LY86: variants seen among roughly 807,000 people sequenced by gnomAD.
The protein encoded by LY86 is lymphocyte antigen 86, also known as MD-1, RP105-associated.
Under a neutral mutation model 17.3 loss-of-function variants are expected in LY86, and 20 were observed. That is an observed-to-expected ratio of 1.15 (90% confidence interval 0.81 to 1.68). The LOEUF is 1.68. LY86 is among the 40% of genes most tolerant of loss of function. LY86 has a pLI of 0.00. For missense variants in LY86, 200 were observed against 191.9 expected (o/e 1.04, Z -0.25); for synonymous variants, 74 against 70.6 (o/e 1.05, Z -0.24).
At chr6:6,607,044 C>G (rs1311759131) in intron 1 of LY86, among the ~76,000 whole-genome samples, 1 of 152,214 alleles carries the variant, frequency 6.6e-6, no homozygotes, top group Non-Finnish European at 1.5e-5. Context: ...TTGCACGGGA[C>G]GTGAACACTA....
chr6:6,605,884 G>T (rs1053081887), intron 1 of LY86, among the ~76,000 whole-genome samples: 4 of 148,382 alleles, frequency 2.7e-5, no homozygotes, highest in African/African-American at 1.1e-4. Flanking sequence ...GTTTCTCGCG[G>T]TGGGTTCTTA....
At chr6:6,594,615 C>A (rs1760643107) in intron 1 of LY86, among the ~76,000 whole-genome samples, 1 of 152,144 alleles carries the variant, frequency 6.6e-6, no homozygotes, top group Admixed American at 6.5e-5. Context: ...AAGTTCCAGG[C>A]CTTCCAGATG....
intron 4 of LY86, among the ~76,000 whole-genome samples, chr6:6,651,707 A>G (rs1368450876): frequency 6.6e-6 from 1 of 152,170 alleles, no homozygotes; most frequent in East Asian, 1.9e-4. Flanking sequence ...TTACTCAGCA[A>G]CTGTTATAAG....
chr6:6,624,608 C>T (rs1761750748), intron 1 of LY86, among the ~76,000 whole-genome samples: 1 of 152,042 alleles, frequency 6.6e-6, no homozygotes, highest in Non-Finnish European at 1.5e-5. Flanking sequence ...GCCAAACGTT[C>T]AGGAACTAAA....
intron 3 of LY86, among the ~76,000 whole-genome samples, chr6:6,642,800 A>C (rs1357265048): frequency 2.0e-5 from 3 of 152,224 alleles, no homozygotes; most frequent in Non-Finnish European, 4.4e-5. Flanking sequence ...GGAAATACCC[A>C]GAGGTAAGGA....
intron 3 of LY86, among the ~76,000 whole-genome samples, chr6:6,648,439 C>T (rs1324553095): frequency 6.6e-6 from 1 of 152,160 alleles, no homozygotes; most frequent in Non-Finnish European, 1.5e-5. Context: ...GCAGACTCAT[C>T]TCCCTCTATC....
intron 1 of LY86, among the ~76,000 whole-genome samples, chr6:6,590,866 T>C (rs1036742368): frequency 8.6e-5 from 13 of 151,898 alleles, no homozygotes; most frequent in Middle Eastern, 3.4e-3. Context: ...ATGGTCACTC[T>C]AGTCACCAGG....
chr6:6,605,600 G>A (rs1029386722), intron 1 of LY86, among the ~76,000 whole-genome samples: 2 of 152,272 alleles, frequency 1.3e-5, no homozygotes, highest in Admixed American at 6.5e-5. Context: ...ATAGTCTCAT[G>A]ACATTGCAGC....
intron 3 of LY86, among the ~76,000 whole-genome samples, chr6:6,636,581 G>A (rs1015697526): frequency 6.6e-6 from 1 of 152,180 alleles, no homozygotes. Context: ...TTTCCTTACA[G>A]GTAGCAGGAA....
intron 4 of LY86, among the ~76,000 whole-genome samples, chr6:6,652,055 CAAAAAAAAAAAA>C (rs61606490): frequency 1.7e-5 from 1 of 59,284 alleles, no homozygotes; most frequent in Non-Finnish European, 3.1e-5. Flanking sequence ...GACTCCATCT[CAAAAAAAAAAAA>C]AAAAAAAAAA....
intron 4 of LY86, among the ~76,000 whole-genome samples, chr6:6,654,249 G>A (rs192104939): frequency 3.3e-5 from 5 of 152,336 alleles, no homozygotes; most frequent in Admixed American, 6.5e-5. Flanking sequence ...GCTCAAAATT[G>A]CAGACCAGCA....
chr6:6,613,341 G>C (rs113570041), intron 1 of LY86, among the ~76,000 whole-genome samples: 109 of 152,210 alleles, frequency 7.2e-4, no homozygotes, highest in African/African-American at 2.3e-3. Context: ...GCTGCTCGTC[G>C]GGGAGGCTTG....
chr6:6,608,225 C>T (rs1461689283), intron 1 of LY86, among the ~76,000 whole-genome samples: 1 of 152,210 alleles, frequency 6.6e-6, no homozygotes, highest in Admixed American at 6.5e-5. Flanking sequence ...AACAAAAATA[C>T]TATTATGTGC....
In LY86 at chr6:6,612,369, G is replaced by A. The variant is rs150290979; in HGVS notation, c.137-12557G>A. 7.2e-5 allele frequency among the ~76,000 whole-genome samples: 11 copies of A among 152,302 alleles called. No individual in the cohort carries two copies. The East Asian group carries it at 7.7e-4, about 11-fold the overall frequency. ...TTACACTTCTTAAGGTGATACATTTGGAGTGTTAATCATTTATTTTCCCCC... is the reference window on the plus strand; with the variant it reads ...TTACACTTCTTAAGGTGATACATTTAGAGTGTTAATCATTTATTTTCCCCC... On this transcript the variant is annotated intron_variant, in intron 1 of 4. Transcript: ENST00000230568.
At position 6,603,653 on chromosome 6, in the gene LY86, A is replaced by G. The variant is rs1239838710; in HGVS notation, c.136+14783A>G. Among the ~76,000 whole-genome samples the G allele has an allele frequency of 3.1e-4, 44 of 143,356 alleles. No homozygotes were observed. The Admixed American group carries it at 3.1e-3, about 10-fold the overall frequency. The allele number at this position is 143,356 out of a possible 152,430, so 94.0% of individuals were successfully genotyped here. The stretch of plus-strand genomic sequence containing the variant: ...ACAAAACACACACACACACACACAC[A>G]CAGAGTGGAAAACCAACAGTGAAGT... On this transcript the variant is annotated intron_variant, in intron 1 of 4. Coordinates refer to ENST00000230568, the MANE Select transcript of LY86 (RefSeq NM_004271.4).
At chr6:6,642,766 C>A (rs968292193) in intron 3 of LY86, among the ~76,000 whole-genome samples, 1 of 152,204 alleles carries the variant, frequency 6.6e-6, no homozygotes, top group Non-Finnish European at 1.5e-5. Flanking sequence ...GGGCCTTCCC[C>A]ATCTTCCAGA....
At chr6:6,636,148 G>C (rs1179930100) in intron 3 of LY86, among the ~76,000 whole-genome samples, 1 of 152,180 alleles carries the variant, frequency 6.6e-6, no homozygotes, top group Non-Finnish European at 1.5e-5. Context: ...GGCTGATGAT[G>C]CTGGCCCAGG....
At chr6:6,614,796 C>G (rs1368866114) in intron 1 of LY86, among the ~76,000 whole-genome samples, 2 of 151,972 alleles carry the variant, frequency 1.3e-5, no homozygotes. Context: ...TAAGCAGGGC[C>G]GTGCCTTTCT....
At chr6:6,596,696 T>A (rs915369075) in intron 1 of LY86, among the ~76,000 whole-genome samples, 11 of 152,032 alleles carry the variant, frequency 7.2e-5, no homozygotes, top group Non-Finnish European at 1.3e-4. Flanking sequence ...GTGGTGCAGA[T>A]TTTTTTTAAT....
Sources: allele counts gnomAD v4.1 joint callset (sites outside exome capture counted in the v4.1 genomes callset), GRCh38; gene constraint gnomAD v4.1.1; transcripts MANE v1.5; gene names NCBI Gene and HGNC (gene_info 2026-07-23, HGNC 2026-07-21).